Variants in ZC4H2 observed in about 807,000 individuals in gnomAD.
The protein encoded by ZC4H2 is zinc finger C4H2 domain-containing protein.
For synonymous variants in ZC4H2, 84 were observed against 66.3 expected (o/e 1.27, Z -1.30); for missense variants, 137 against 173.9 (o/e 0.79, Z 1.19).
At chrX:64,950,172 T>C (rs1162088634) in intron 1 of ZC4H2, among the ~76,000 whole-genome samples, 1 of 112,017 alleles carries the variant, frequency 8.9e-6, no homozygotes, top group Non-Finnish European at 1.9e-5. Flanking sequence ...GTGAGTTTCT[T>C]AATCCTGAGT....
chrX:64,936,054 T>C (rs1376678482), intron 1 of ZC4H2, among the ~76,000 whole-genome samples: 2 of 109,776 alleles, frequency 1.8e-5, no homozygotes, highest in Non-Finnish European at 3.8e-5. Context: ...CTAACTAGAA[T>C]AACCAGTTTA....
chrX:64,955,836 G>A (rs775517667), intron 1 of ZC4H2, among the ~76,000 whole-genome samples: 102 of 112,054 alleles, frequency 9.1e-4, no homozygotes, highest in Non-Finnish European at 1.7e-3. Flanking sequence ...GATAAAAGAC[G>A]AAGGCTCAAT....
intron 1 of ZC4H2, 95 bp downstream of exon 1, chrX:64,976,230 G>A: frequency 9.8e-7 from 1 of 1,022,249 alleles, no homozygotes; most frequent in Non-Finnish European, 1.4e-6. Context: ...CCCCTTTCCA[G>A]CTCCTCTAGA....
At chrX:64,918,163 G>T (rs1929018874) in intron 4 of ZC4H2, 1 of 259,241 alleles carries the variant, frequency 3.9e-6, no homozygotes, top group Non-Finnish European at 6.9e-6. Context: ...TCATTATAAT[G>T]AAGCATTGTC....
chrX:64,963,065 T>C (rs1931458711), intron 1 of ZC4H2, among the ~76,000 whole-genome samples: 1 of 110,887 alleles, frequency 9.0e-6, no homozygotes. Flanking sequence ...TAAAACAGTA[T>C]GGTACTGCCA....
intron 1 of ZC4H2, among the ~76,000 whole-genome samples, chrX:64,974,196 T>C (rs770267826): frequency 8.9e-6 from 1 of 112,265 alleles, no homozygotes; most frequent in African/African-American, 3.2e-5. Context: ...GTTGAACCTA[T>C]CCATTGAGTT....
chrX:65,008,117 AAAC>A (rs767114676), intron 1 of ZC4H2, among the ~76,000 whole-genome samples: 4 of 112,317 alleles, frequency 3.6e-5, no homozygotes, highest in Admixed American at 9.5e-5. Context: ...CTTAATAGGA[AAAC>A]AACAACAACA....
chrX:65,027,019 C>T (rs1171664480), intron 1 of ZC4H2, among the ~76,000 whole-genome samples: 2 of 112,057 alleles, frequency 1.8e-5, no homozygotes, highest in African/African-American at 6.5e-5. Context: ...TTCCAGACTC[C>T]CAAGGAAGGA....
intron 1 of ZC4H2, among the ~76,000 whole-genome samples, chrX:64,943,581 T>C (rs1340972129): frequency 1.1e-5 from 1 of 91,181 alleles, no homozygotes; most frequent in Non-Finnish European, 1.9e-5. Flanking sequence ...TTTTCCATCA[T>C]GTAATATCCT....
intron 1 of ZC4H2, among the ~76,000 whole-genome samples, chrX:65,024,315 G>A (rs1234973173): frequency 1.8e-5 from 2 of 111,420 alleles, no homozygotes; most frequent in African/African-American, 3.3e-5. Flanking sequence ...ACCACCATGA[G>A]ATACCATCTC....
intron 1 of ZC4H2, among the ~76,000 whole-genome samples, chrX:64,999,134 C>G (rs1441636987): frequency 2.1e-5 from 2 of 93,337 alleles, no homozygotes; most frequent in Non-Finnish European, 4.1e-5. Context: ...AAAGTAATTA[C>G]TGGGGTGGCT....
At chrX:64,969,372 A>T (rs1931697592) in intron 1 of ZC4H2, among the ~76,000 whole-genome samples, 1 of 111,751 alleles carries the variant, frequency 8.9e-6, no homozygotes, top group East Asian at 2.8e-4. Flanking sequence ...TTCAGAGGTG[A>T]CTCAGCCCCA....
intron 1 of ZC4H2, among the ~76,000 whole-genome samples, chrX:64,964,430 C>G (rs1286270730): frequency 9.0e-6 from 1 of 111,009 alleles, no homozygotes; most frequent in African/African-American, 3.3e-5. Flanking sequence ...TCAAATTGCT[C>G]AAAACCAGTA....
At chrX:65,012,159 C>T (rs1471502412) in intron 1 of ZC4H2, among the ~76,000 whole-genome samples, 1 of 91,101 alleles carries the variant, frequency 1.1e-5, no homozygotes, top group South Asian at 5.8e-4. Context: ...ACCTGGGAGG[C>T]AGAGGTTGCG....
chrX:64,922,979 C>A (rs914673243), intron 1 of ZC4H2, among the ~76,000 whole-genome samples: 9 of 111,636 alleles, frequency 8.1e-5, no homozygotes, highest in African/African-American at 2.9e-4. Context: ...AAAAGAAAAA[C>A]CTGGTTTTGG....
intron 1 of ZC4H2, among the ~76,000 whole-genome samples, chrX:65,000,945 C>A (rs1192242727): frequency 9.0e-6 from 1 of 110,787 alleles, no homozygotes; most frequent in Non-Finnish European, 1.9e-5. Flanking sequence ...GTGAAAAGAC[C>A]AAACTTATAT....
intron 1 of ZC4H2, among the ~76,000 whole-genome samples, chrX:64,993,335 T>C (rs1932346769): frequency 1.8e-5 from 2 of 111,927 alleles, no homozygotes; most frequent in South Asian, 7.5e-4. Flanking sequence ...GTCTGATTTA[T>C]TGATTTTAGA....
intron 1 of ZC4H2, among the ~76,000 whole-genome samples, chrX:64,927,745 C>A (rs925586180): frequency 1.8e-5 from 2 of 112,413 alleles, no homozygotes; most frequent in Non-Finnish European, 3.8e-5. Context: ...TACACTTCCA[C>A]CAACAGTGTA....
chrX:64,954,320 ATATATATATATATATAT>A (rs1931032767), intron 1 of ZC4H2, among the ~76,000 whole-genome samples: 1 of 59,259 alleles, frequency 1.7e-5, no homozygotes, highest in African/African-American at 5.8e-4. Flanking sequence ...AAGTATAATT[ATATATATATATATATAT>A]AATTATATAT....
Sources: allele counts gnomAD v4.1 joint callset (sites outside exome capture counted in the v4.1 genomes callset), GRCh38; gene constraint gnomAD v4.1.1; transcripts MANE v1.5; gene names NCBI Gene and HGNC (gene_info 2026-07-23, HGNC 2026-07-21).